The following ITGA9 variants were observed in gnomAD, a reference collection of about 807,000 sequenced individuals.
ITGA9 encodes integrin subunit alpha 9.
In ITGA9, 56 loss-of-function variants were observed where a neutral mutation model predicts 127.8. The observed-to-expected ratio is 0.44, with a 90% CI of 0.35 to 0.55. The LOEUF is 0.55. Ranked by LOEUF, ITGA9 falls within the 20% of genes least tolerant of loss-of-function variation. The pLI is 0.00. For missense variants in ITGA9, 1,196 were observed against 1,347.1 expected (o/e 0.89, Z 1.76); for synonymous variants, 508 against 514.5 (o/e 0.99, Z 0.17).
At chr3:37,521,891 A>T (rs1475863963) in intron 11 of ITGA9, among the ~76,000 whole-genome samples, 2 of 152,176 alleles carry the variant, frequency 1.3e-5, no homozygotes, top group Non-Finnish European at 2.9e-5. Context: ...AGTGTTTCCT[A>T]CAGTGTTCTG....
Position 37,533,354 on chromosome 3 carries a change from C to T in ITGA9, c.1414C>T (p.Pro472Ser). The T allele has an allele frequency of 6.2e-7, 1 of 1,614,194 alleles. No homozygotes were observed. Among genetic ancestry groups the T allele is most frequent in the Non-Finnish European group, 8.5e-7 (1 of 1,180,024 alleles). Reference protein sequence around the residue: ...VITVDVSIFLPGSINITAPQC... With the variant: ...VITVDVSIFLSGSINITAPQC... ...TACGGTGGATGTCTCCATCTTCCTC[C>T]CGGGCTCCATCAACATCACAGCGCC... Residue 472 changes from proline to serine, a missense_variant, in exon 14 of 28, where the codon CCG (proline) becomes TCG (serine). Coordinates refer to ENST00000264741, the MANE Select transcript of ITGA9 (RefSeq NM_002207.3).
At chr3:37,766,464 G>T (rs1696781415) in intron 23 of ITGA9, among the ~76,000 whole-genome samples, 1 of 152,200 alleles carries the variant, frequency 6.6e-6, no homozygotes, top group African/African-American at 2.4e-5. Context: ...CAGTGGAAGA[G>T]GTTAGATAGA....
chr3:37,544,051 T>C (rs1251433049), intron 15 of ITGA9, among the ~76,000 whole-genome samples: 1 of 152,224 alleles, frequency 6.6e-6, no homozygotes, highest in Non-Finnish European at 1.5e-5. Flanking sequence ...ATGCCTGTGA[T>C]TGGTGTTTTT....
intron 18 of ITGA9, among the ~76,000 whole-genome samples, chr3:37,729,135 A>G (rs529999699): frequency 1.3e-5 from 2 of 152,248 alleles, no homozygotes; most frequent in Admixed American, 1.3e-4. Flanking sequence ...GCATCCACAC[A>G]AGGAGTGGTA....
intron 1 of ITGA9, among the ~76,000 whole-genome samples, chr3:37,462,181 G>C (rs1297378696): frequency 2.0e-5 from 3 of 152,168 alleles, no homozygotes; most frequent in Non-Finnish European, 4.4e-5. Context: ...CAGTGTGTCT[G>C]CCAAGACCTG....
intron 18 of ITGA9, among the ~76,000 whole-genome samples, chr3:37,686,017 A>G (rs1700778962): frequency 1.3e-5 from 2 of 152,196 alleles, no homozygotes; most frequent in African/African-American, 4.8e-5. Flanking sequence ...TATTTAGGTT[A>G]TTCCCAGTTT....
At chr3:37,614,280 T>A (rs1287652559) in intron 15 of ITGA9, among the ~76,000 whole-genome samples, 1 of 152,098 alleles carries the variant, frequency 6.6e-6, no homozygotes, top group Non-Finnish European at 1.5e-5. Flanking sequence ...GTTGTAGATA[T>A]GCGGCATTAT....
rs774525630 is a variant in ITGA9, at chr3:37,736,954, A to C, written c.2205A>C (p.Glu735Asp). Reference protein sequence around the residue: ...FDTSHLSGEEEVLSFIVTAQS... With the variant: ...FDTSHLSGEEDVLSFIVTAQS... The stretch of plus-strand genomic sequence containing the variant: ...CAAGCCACCTGTCTGGGGAAGAGGA[A>C]GTTCTCAGCTTCATTGTTACTGCTC... The change falls in exon 20 of 28, where the codon GAA becomes GAC. Residue 735 changes from glutamate (E) to aspartate (D), a missense_variant. Glu to Asp is a conservative substitution (Grantham distance 45, BLOSUM62 2). Transcript: ENST00000264741. 15 of 1,612,826 alleles carry C rather than the reference A, an allele frequency of 9.3e-6. No homozygotes were observed. The highest frequency in any genetic ancestry group is 1.6e-4 in the Middle Eastern group (1 of 6,080).
rs534174533 is a variant in ITGA9 at position 37,756,204 on chromosome 3, A to G, written c.2541+5635A>G. 3.3e-5 allele frequency among the ~76,000 whole-genome samples: 5 copies of G among 152,162 alleles called. No individual in the cohort carries two copies. In the East Asian group the frequency reaches 9.6e-4, roughly 29 times the overall value. ...TAACCCAAAGAAATAAAGTATAGCA[A>G]TATTAACAGCAAATGAAGTATAATT... On this transcript the variant is annotated intron_variant, in intron 23 of 27. Coordinates refer to ENST00000264741, the MANE Select transcript of ITGA9 (RefSeq NM_002207.3).
At chr3:37,782,057 A>G (rs1424836553) in intron 25 of ITGA9, among the ~76,000 whole-genome samples, 2 of 152,242 alleles carry the variant, frequency 1.3e-5, no homozygotes, top group Non-Finnish European at 2.9e-5. Flanking sequence ...ACCACTGGCC[A>G]TCCTCTGATT....
chr3:37,608,236 CATTT>C (rs1699986664), intron 15 of ITGA9, among the ~76,000 whole-genome samples: 1 of 152,186 alleles, frequency 6.6e-6, no homozygotes, highest in Non-Finnish European at 1.5e-5. Context: ...AAACCTCAAA[CATTT>C]ATGTTTCCCT....
intron 23 of ITGA9, among the ~76,000 whole-genome samples, chr3:37,769,739 T>G (rs1328385633): frequency 6.6e-6 from 1 of 152,210 alleles, no homozygotes; most frequent in Non-Finnish European, 1.5e-5. Context: ...CTTTATCCTT[T>G]GCGATCTACC....
intron 15 of ITGA9, among the ~76,000 whole-genome samples, chr3:37,578,301 A>G (rs1057313263): frequency 5.9e-5 from 9 of 152,198 alleles, no homozygotes; most frequent in Non-Finnish European, 1.0e-4. Flanking sequence ...AGCTCATTTC[A>G]TAAGGATTTA....
chr3:37,574,112 A>G (rs1236373133), intron 15 of ITGA9, among the ~76,000 whole-genome samples: 1 of 152,166 alleles, frequency 6.6e-6, no homozygotes, highest in East Asian at 1.9e-4. Context: ...TTTAAGTTGG[A>G]TAGGAAGAAA....
intron 17 of ITGA9, among the ~76,000 whole-genome samples, chr3:37,666,186 G>T (rs1177015388): frequency 6.6e-6 from 1 of 152,172 alleles, no homozygotes; most frequent in African/African-American, 2.4e-5. Context: ...GGAAGCACAA[G>T]GGAGGCAGCA....
At chr3:37,695,247 A>G (rs1476524275) in intron 18 of ITGA9, among the ~76,000 whole-genome samples, 1 of 152,238 alleles carries the variant, frequency 6.6e-6, no homozygotes, top group East Asian at 1.9e-4. Context: ...GCTTAAGGGC[A>G]GAAGAAGACC....
intron 4 of ITGA9, among the ~76,000 whole-genome samples, chr3:37,494,197 T>C (rs572606107): frequency 7.9e-5 from 12 of 152,140 alleles, no homozygotes; most frequent in Non-Finnish European, 1.3e-4. Flanking sequence ...CTGGAGTAAA[T>C]GAAATAATTG....
intron 23 of ITGA9, chr3:37,753,826 C>T (rs765732630): frequency 6.6e-6 from 1 of 152,142 alleles, no homozygotes; most frequent in Non-Finnish European, 1.5e-5. Flanking sequence ...ATGTCATGGA[C>T]ATTGTCAGCA....
At position 37,473,419 on chromosome 3, in the gene ITGA9, G is replaced by C; in HGVS notation, c.379G>C (p.Val127Leu). Residue 127 changes from valine (V) to leucine (L), a missense_variant, in exon 3 of 28, where the codon GTG becomes CTG. Physicochemically the swap from Val to Leu is conservative, Grantham distance 32 (BLOSUM62 1). Coordinates refer to ENST00000264741, the MANE Select transcript of ITGA9 (RefSeq NM_002207.3). ...AGACCGCGATGATGAGTGGATGGGG[G>C]TGAGCCTGGCCCGACAGCCCAAGGC... ...REDRDDEWMG[V>L]SLARQPKADG... 6.2e-7 allele frequency: 1 copy of C among 1,614,124 alleles called. No homozygotes were observed. Among genetic ancestry groups the C allele is most frequent in the South Asian group, 1.1e-5 (1 of 91,080 alleles).
Sources: gnomAD v4.1 joint callset for allele counts (sites outside exome capture counted in the v4.1 genomes callset) on GRCh38, gnomAD v4.1.1 for gene constraint, MANE v1.5 for transcripts, NCBI Gene and HGNC (gene_info 2026-07-23, HGNC 2026-07-21) for gene names.